The following ADAMTS19 variants were observed in gnomAD, a reference collection of about 807,000 sequenced individuals.
ADAMTS19 encodes ADAM metallopeptidase with thrombospondin type 1 motif 19.
A neutral mutation model predicts 153.3 loss-of-function variants in ADAMTS19; 93 were observed. The observed-to-expected ratio is 0.61, with a 90% confidence interval of 0.51 to 0.72. The LOEUF is 0.72. Ranked by LOEUF, ADAMTS19 falls within the 30% of genes least tolerant of loss-of-function variation. The pLI is 0.00. For synonymous variants in ADAMTS19, 600 were observed against 556.6 expected, an observed-to-expected ratio of 1.08 and a Z score of -1.10; for missense variants, 1,482 against 1,552.1, an observed-to-expected ratio of 0.95 and a Z score of 0.76.
intron 16 of ADAMTS19, among the ~76,000 whole-genome samples, chr5:129,667,487 A>G (rs983856200): frequency 9.9e-5 from 15 of 152,156 alleles, no homozygotes; most frequent in African/African-American, 2.2e-4. Flanking sequence ...TGATTGGATC[A>G]TGGGGATGGA....
chr5:129,702,953 TATATATATATATATATATACAAATAC>T (rs1157037398), intron 20 of ADAMTS19, among the ~76,000 whole-genome samples: 1 of 122,258 alleles, frequency 8.2e-6, no homozygotes, highest in African/African-American at 3.9e-5. Context: ...TATATATATA[TATATATATATATATATATACAAATAC>T]ATATATATAT....
At chr5:129,641,794 T>C in intron 10 of ADAMTS19, 65 bp from the exon 11 acceptor site, 2 of 998,236 alleles carry the variant, frequency 2.0e-6, no homozygotes, top group South Asian at 3.3e-5. Context: ...TTCTTAACAA[T>C]GATTGGCTTC....
intron 7 of ADAMTS19, among the ~76,000 whole-genome samples, chr5:129,580,528 C>A (rs1281855671): frequency 1.3e-5 from 2 of 152,166 alleles, no homozygotes; most frequent in African/African-American, 4.8e-5. Flanking sequence ...AAAGGGGATG[C>A]TTCCAGTTTT....
intron 18 of ADAMTS19, among the ~76,000 whole-genome samples, chr5:129,693,838 G>A (rs1161750981): frequency 6.6e-6 from 1 of 152,134 alleles, no homozygotes; most frequent in Non-Finnish European, 1.5e-5. Context: ...AAGATGGTAA[G>A]AGTCCCATTT....
chr5:129,607,860 C>T (rs1471049293), intron 8 of ADAMTS19, among the ~76,000 whole-genome samples: 1 of 150,566 alleles, frequency 6.6e-6, no homozygotes, highest in Non-Finnish European at 1.5e-5. Context: ...ACATACCTGC[C>T]AAGATATGAA....
In ADAMTS19 at chr5:129,735,208, T is replaced by TATCAGTAAATATCAGTAAATAA; in HGVS notation, c.3490+101_3490+102insCAGTAAATATCAGTAAATAAAT. The TATCAGTAAATATCAGTAAATAA allele has an allele frequency of 2.6e-6, 3 of 1,162,686 alleles. No homozygotes were observed. In the East Asian group the frequency reaches 8.7e-5, roughly 34 times the overall value. 72.0% of individuals were successfully genotyped at this position (1,162,686 alleles called of 1,614,324 possible). The stretch of plus-strand genomic sequence containing the variant: ...CTTTAAACCTTGATAGTTGTAAATC[T>TATCAGTAAATATCAGTAAATAA]ATACTGATTATTTTGGTTTGCACTA... On this transcript the variant is annotated intron_variant, in intron 22 of 22. Transcript: ENST00000274487.
chr5:129,730,617 G>A (rs916063023), intron 21 of ADAMTS19, among the ~76,000 whole-genome samples: 1 of 151,900 alleles, frequency 6.6e-6, no homozygotes. Flanking sequence ...GCAATACAAA[G>A]GGTCTATGTT....
intron 2 of ADAMTS19, among the ~76,000 whole-genome samples, chr5:129,498,233 G>A (rs1750988279): frequency 6.6e-6 from 1 of 151,948 alleles, no homozygotes; most frequent in African/African-American, 2.4e-5. Flanking sequence ...CAAGTCTTGT[G>A]TCTCTCCATT....
chr5:129,461,642 G>C lies in ADAMTS19; in HGVS notation c.632G>C (p.Gly211Ala), dbSNP rs760704814. The C allele has an allele frequency of 1.3e-6, 2 of 1,559,028 alleles. No individual in the cohort carries two copies. Among genetic ancestry groups the C allele is most frequent in the Non-Finnish European group, 1.7e-6 (2 of 1,155,852 alleles). The change falls in exon 2 of 23, where the codon GGG (glycine) becomes GCG (alanine). Residue 211 changes from glycine to alanine, a missense_variant. This residue lies in a region of ADAMTS19 where 866 missense variants were observed against 827.7 expected (regional missense o/e 1.05). Transcript: ENST00000274487. The surrounding 1 kb of genome is among the most constrained non-coding windows in gnomAD (Gnocchi z 4.6). ...CCAAATCCCGGCCCCGGCCCCACGG[G>C]GGCAGCATCCGCCCCGCAACCTCCC... ...QRPNPGPGPTGAASAPQPPAP... is the reference protein window; with the variant it reads ...QRPNPGPGPTAAASAPQPPAP...
At chr5:129,474,238 T>G (rs1750154325) in intron 2 of ADAMTS19, among the ~76,000 whole-genome samples, 1 of 152,178 alleles carries the variant, frequency 6.6e-6, no homozygotes, top group Non-Finnish European at 1.5e-5. Context: ...AGTAGTTCAT[T>G]CTTTTTTTCT....
intron 3 of ADAMTS19, among the ~76,000 whole-genome samples, chr5:129,517,124 C>T (rs572565381): frequency 1.8e-4 from 28 of 151,754 alleles, no homozygotes; most frequent in African/African-American, 6.7e-4. Context: ...TAGTTTTATT[C>T]CATTTTGGTT....
chr5:129,686,644 G>A (rs1755104535), intron 18 of ADAMTS19, among the ~76,000 whole-genome samples: 2 of 152,128 alleles, frequency 1.3e-5, no homozygotes, highest in South Asian at 2.1e-4. Flanking sequence ...GAGAAAGAAG[G>A]TGCCAAGAAT....
intron 2 of ADAMTS19, among the ~76,000 whole-genome samples, chr5:129,470,322 G>A (rs1750021597): frequency 6.6e-6 from 1 of 152,180 alleles, no homozygotes; most frequent in African/African-American, 2.4e-5. Context: ...AGGGTTTTAT[G>A]TCTTTGTATT....
Position 129,694,721 on chromosome 5 carries a change from AG to A in ADAMTS19, c.2821del (p.Glu941LysfsTer12). The A allele has an allele frequency of 6.4e-7, 1 of 1,566,640 alleles. No individual in the cohort carries two copies. The highest frequency in any genetic ancestry group is 8.7e-7 in the Non-Finnish European group (1 of 1,155,682). ...TCTTTGTTTATTTGTTCTTTTCAGG[AG>A]AAAGGAAGACAACAGTGTCCTGCAC... ...EDCDATCGGG[E>X]RKTTVSCTKI... is the part of the protein sequence containing the mutation. On this transcript the variant is annotated frameshift_variant and splice_region_variant, in exon 19 of 23. Transcript: ENST00000274487. LOFTEE classifies it high-confidence loss of function.
intron 10 of ADAMTS19, among the ~76,000 whole-genome samples, chr5:129,636,599 C>T (rs1423943755): frequency 1.3e-5 from 2 of 152,186 alleles, no homozygotes; most frequent in Admixed American, 6.5e-5. Context: ...CACTCAACTT[C>T]TGCCAGTAGC....
chr5:129,683,936 A>C (rs1376110142), intron 17 of ADAMTS19, among the ~76,000 whole-genome samples, 184 bp from the exon 18 acceptor site: 1 of 151,164 alleles, frequency 6.6e-6, no homozygotes, highest in Admixed American at 6.6e-5. Context: ...CAATATCTAC[A>C]TTTAAGAATA....
chr5:129,640,544 T>C (rs958766525), intron 10 of ADAMTS19, among the ~76,000 whole-genome samples: 2 of 152,298 alleles, frequency 1.3e-5, no homozygotes, highest in African/African-American at 4.8e-5. Flanking sequence ...TATTATCTTA[T>C]CAATCTGCTG....
At chr5:129,734,331 T>A (rs1757577015) in intron 21 of ADAMTS19, among the ~76,000 whole-genome samples, 1 of 151,942 alleles carries the variant, frequency 6.6e-6, no homozygotes, top group African/African-American at 2.4e-5. Flanking sequence ...ACCTTTTACC[T>A]GAGAAATTCA....
intron 21 of ADAMTS19, among the ~76,000 whole-genome samples, chr5:129,734,624 A>G (rs945980352): frequency 1.2e-4 from 19 of 152,118 alleles, no homozygotes; most frequent in African/African-American, 4.6e-4. Context: ...CTGTCTGCTC[A>G]AGCATTACTG....
Sources: gnomAD v4.1 joint callset for allele counts (sites outside exome capture counted in the v4.1 genomes callset) on GRCh38, gnomAD v4.1.1 for gene constraint, gnomAD v4.1.1 regional missense constraint, Gnocchi (gnomAD v3.1) non-coding constraint, MANE v1.5 for transcripts, NCBI Gene and HGNC (gene_info 2026-07-23, HGNC 2026-07-21) for gene names.